The following FOXN3 variants were observed in gnomAD, a reference collection of about 807,000 sequenced individuals.
FOXN3 encodes forkhead box protein N3.
In FOXN3, 7 loss-of-function variants were observed where a neutral mutation model predicts 38.4. That is an observed-to-expected ratio of 0.18 (90% confidence interval 0.10 to 0.34). The LOEUF (loss-of-function observed/expected upper bound fraction) is 0.34, where lower values mean the gene tolerates loss of function less well. FOXN3 is among the 10% of genes least tolerant of loss of function. FOXN3 has a pLI of 1.00. For missense variants in FOXN3, 456 were observed against 613.4 expected (o/e 0.74, Z 2.71); for synonymous variants, 230 against 242.2 (o/e 0.95, Z 0.47).
chr14:89,310,259 TGAACCTGCAG>T (rs1887496779), intron 3 of FOXN3, among the ~76,000 whole-genome samples: 1 of 152,188 alleles, frequency 6.6e-6, no homozygotes, highest in Admixed American at 6.5e-5. Flanking sequence ...TCACTGGACT[TGAACCTGCAG>T]GGACTCACAG....
intron 4 of FOXN3, among the ~76,000 whole-genome samples, chr14:89,183,514 G>T (rs928193342): frequency 2.6e-5 from 4 of 152,036 alleles, no homozygotes; most frequent in African/African-American, 9.7e-5. Context: ...AATATACTAT[G>T]GTACATGCTA....
At chr14:89,386,688 G>A (rs911514193) in intron 2 of FOXN3, among the ~76,000 whole-genome samples, 1 of 152,146 alleles carries the variant, frequency 6.6e-6, no homozygotes, top group African/African-American at 2.4e-5. Flanking sequence ...CAGACTGCGT[G>A]GCTCATACAA....
chr14:89,611,754 C>A (rs375487801), intron 1 of FOXN3, among the ~76,000 whole-genome samples: 25 of 143,722 alleles, frequency 1.7e-4, no homozygotes, highest in African/African-American at 6.6e-4. Flanking sequence ...TGCAGTGAGC[C>A]GAGATCGTGC....
At chr14:89,295,415 C>T (rs202233159) in intron 3 of FOXN3, among the ~76,000 whole-genome samples, 1 of 152,166 alleles carries the variant, frequency 6.6e-6, no homozygotes, top group Non-Finnish European at 1.5e-5. Context: ...CTCACCTTAC[C>T]TTGGCAGACG....
At chr14:89,363,947 A>AATAAATATATATAT (rs1198064384) in intron 2 of FOXN3, among the ~76,000 whole-genome samples, 3 of 111,400 alleles carry the variant, frequency 2.7e-5, no homozygotes, top group African/African-American at 1.5e-4. Flanking sequence ...CTGTCTGTAA[A>AATAAATATATATAT]ATATATATAT....
chr14:89,407,431 T>C (rs1223284466), intron 2 of FOXN3, among the ~76,000 whole-genome samples: 5 of 152,216 alleles, frequency 3.3e-5, no homozygotes, highest in Admixed American at 2.6e-4. Context: ...ACCAAATAAT[T>C]GTTCATTTTG....
intron 2 of FOXN3, among the ~76,000 whole-genome samples, chr14:89,377,152 G>T (rs1471977200): frequency 6.6e-6 from 1 of 150,582 alleles, no homozygotes; most frequent in East Asian, 2.0e-4. Context: ...CAGGATGTGG[G>T]CATTCCACAA....
chr14:89,318,190 C>G (rs1327797658), intron 3 of FOXN3, among the ~76,000 whole-genome samples: 1 of 126,638 alleles, frequency 7.9e-6, no homozygotes, highest in Admixed American at 8.4e-5. Flanking sequence ...CGGAGTTTCA[C>G]TCATGTTGCC....
At chr14:89,417,938 T>C (rs7146718), upstream of FOXN3, 1,844 of 339,774 alleles carry the variant, frequency 5.4e-3, 40 homozygotes, top group African/African-American at 0.038. Context: ...CCGGCCGGCC[T>C]AGAGAGAAAA....
chr14:89,288,810 A>C (rs2139930787), intron 3 of FOXN3, among the ~76,000 whole-genome samples: 1 of 146,232 alleles, frequency 6.8e-6, no homozygotes, highest in South Asian at 2.2e-4. Context: ...TAATTCATTA[A>C]ATGTCATCCA....
chr14:89,267,458 G>A (rs1194075383), intron 4 of FOXN3, among the ~76,000 whole-genome samples: 1 of 152,164 alleles, frequency 6.6e-6, no homozygotes, highest in East Asian at 1.9e-4. Flanking sequence ...GCGGTGCTCT[G>A]GCTGGGGGAG....
chr14:89,223,127 T>C lies in FOXN3; in HGVS notation c.746-42321A>G, dbSNP rs1596112994. The stretch of plus-strand genomic sequence containing the variant: ...GCCAGATTTACTTACTGGTCTGTTA[T>C]TTCCTGCAATCTCAATGACCGTGAG... On this transcript the variant is annotated intron_variant, in intron 4 of 5. Coordinates refer to ENST00000557258, the MANE Select transcript of FOXN3 (RefSeq NM_005197.4). 5 of 152,370 alleles carry C rather than the reference T, an allele frequency of 3.3e-5. No homozygotes were observed. In the South Asian group the frequency reaches 1.0e-3, roughly 32 times the overall value. 9.4% of individuals were successfully genotyped at this position (152,370 alleles called of 1,614,324 possible).
chr14:89,374,245 C>T (rs1890403433), intron 2 of FOXN3, among the ~76,000 whole-genome samples: 2 of 100,390 alleles, frequency 2.0e-5, no homozygotes. Flanking sequence ...GCCAGGGCAA[C>T]AGAGTGAGAC....
intron 4 of FOXN3, among the ~76,000 whole-genome samples, chr14:89,238,855 T>TG (rs146244722): frequency 0.022 from 3,415 of 152,282 alleles, 131 homozygotes; most frequent in African/African-American, 0.078. Flanking sequence ...TAAATGGTTT[T>TG]GGGGTAGATT....
chr14:89,367,782 T>G (rs906391065), intron 2 of FOXN3, among the ~76,000 whole-genome samples: 7 of 152,312 alleles, frequency 4.6e-5, no homozygotes, highest in Admixed American at 3.9e-4. Flanking sequence ...ATGCCTGAGC[T>G]ATCTGTCCCA....
At chr14:89,538,688 T>C (rs1894736305) in intron 1 of FOXN3, among the ~76,000 whole-genome samples, 1 of 151,482 alleles carries the variant, frequency 6.6e-6, no homozygotes, top group South Asian at 2.1e-4. Context: ...CTGGCTAATT[T>C]TGTATTTTTA....
At chr14:89,174,766 C>T (rs1003453774) in intron 5 of FOXN3, among the ~76,000 whole-genome samples, 1 of 152,164 alleles carries the variant, frequency 6.6e-6, no homozygotes, top group Admixed American at 6.5e-5. Flanking sequence ...TCAGTGCATG[C>T]TTTGTGTAAC....
At chr14:89,432,138 T>C (rs367739251) in intron 1 of FOXN3, among the ~76,000 whole-genome samples, 207 of 152,348 alleles carry the variant, frequency 1.4e-3, no homozygotes, top group African/African-American at 4.7e-3. Flanking sequence ...CGCCACTAAC[T>C]GGATCCCTGT....
At position 89,192,972 on chromosome 14, in the gene FOXN3, C is replaced by T. The variant is rs376151685; in HGVS notation, c.746-12166G>A. 7.1e-4 allele frequency among the ~76,000 whole-genome samples: 108 copies of T among 152,214 alleles called. No individual in the cohort carries two copies. In the South Asian group the frequency reaches 0.019, roughly 27 times the overall value. The stretch of plus-strand genomic sequence containing the variant: ...ACAGCCCCAGCATTCTTGCTGGCAT[C>T]TCACAAGTCACAAGGGACAAGCAGT... On this transcript the variant is annotated intron_variant, in intron 4 of 5. Coordinates refer to ENST00000557258, the MANE Select transcript of FOXN3 (RefSeq NM_005197.4).
Sources: gnomAD v4.1 joint callset for allele counts (sites outside exome capture counted in the v4.1 genomes callset) on GRCh38, gnomAD v4.1.1 for gene constraint, MANE v1.5 for transcripts, NCBI Gene and HGNC (gene_info 2026-07-23, HGNC 2026-07-21) for gene names.